SPRING1: variants seen among roughly 807,000 people sequenced by gnomAD.
SPRING1 encodes the protein SREBP regulating gene protein.
A neutral mutation model predicts 24.7 loss-of-function variants in SPRING1; 14 were observed. The observed-to-expected ratio is 0.57, with a 90% confidence interval of 0.37 to 0.88. SPRING1 has a LOEUF of 0.88. SPRING1 is among the 40% of genes least tolerant of loss of function. The probability of loss-of-function intolerance (pLI) is 0.00; values close to 1 mark genes in which losing one functional copy is unlikely to be tolerated. For synonymous variants in SPRING1, 93 were observed against 106.1 expected, an observed-to-expected ratio of 0.88 and a Z score of 0.76; for missense variants, 255 against 268.4, an observed-to-expected ratio of 0.95 and a Z score of 0.35.
At chr12:116,737,619 G>A (rs1440568048) in intron 1 of SPRING1, among the ~76,000 whole-genome samples, 171 bp downstream of exon 1, 1 of 148,012 alleles carries the variant, frequency 6.8e-6, no homozygotes, top group Non-Finnish European at 1.5e-5. Flanking sequence ...GTAGGAAGAA[G>A]GGAAGGAAGG....
At chr12:116,718,269 C>A (rs7302189) in intron 4 of SPRING1, among the ~76,000 whole-genome samples, 1,534 of 152,312 alleles carry the variant, frequency 0.01, 25 homozygotes, top group African/African-American at 0.034. Flanking sequence ...CACTCAGTTC[C>A]CGTAAGGAAC....
intron 4 of SPRING1, among the ~76,000 whole-genome samples, chr12:116,718,984 C>T (rs2137030917): frequency 6.6e-6 from 1 of 152,286 alleles, no homozygotes; most frequent in Non-Finnish European, 1.5e-5. Context: ...AGAAATCTGG[C>T]AAAGGGTACA....
rs1566064723 is a variant in SPRING1 at position 116,738,058 on chromosome 12, G to A, written c.-158C>T. ...TCTGCTCCCGGCAGCCTTGGGCGCA[G>A]CCCCACGTGACCCCGCCCTACGCCC... On this transcript the variant is annotated 5_prime_UTR_variant, in exon 1 of 5. Transcript: ENST00000261318. 5 of 1,082,228 alleles carry A rather than the reference G, an allele frequency of 4.6e-6. No individual in the cohort carries two copies. Among genetic ancestry groups the A allele is most frequent in the Admixed American group, 5.2e-5 (1 of 19,130 alleles). 67.0% of individuals were successfully genotyped at this position (1,082,228 alleles called of 1,614,324 possible).
chr12:116,737,849 C>G lies in SPRING1; in HGVS notation c.52G>C (p.Val18Leu). ...GACAGCCCGAAGACCAGGGCGAGCA[C>G]CCACCTCTTCCGCAGAAGCCGGCGC... Reference protein sequence around the residue: ...VWRRLLRKRWVLALVFGLSLV... With the variant: ...VWRRLLRKRWLLALVFGLSLV... The change falls in exon 1 of 5, where the codon GTG becomes CTG. Residue 18 changes from valine to leucine, a missense_variant. Transcript: ENST00000261318. 1.3e-6 allele frequency: 2 copies of G among 1,586,646 alleles called. No individual in the cohort carries two copies. Among genetic ancestry groups the G allele is most frequent in the Non-Finnish European group, 1.7e-6 (2 of 1,167,432 alleles).
chr12:116,725,835 A>G (rs1180125416), intron 1 of SPRING1, among the ~76,000 whole-genome samples: 4 of 152,190 alleles, frequency 2.6e-5, no homozygotes, highest in East Asian at 3.9e-4. Flanking sequence ...GCAGTGAGCC[A>G]AGATTGCGCC....
At chr12:116,735,130 G>GA (rs1871161164) in intron 1 of SPRING1, among the ~76,000 whole-genome samples, 1 of 151,954 alleles carries the variant, frequency 6.6e-6, no homozygotes, top group Non-Finnish European at 1.5e-5. Context: ...AGTGAGAGGA[G>GA]AAAAAAAGAA....
chr12:116,710,802 G>A lies in SPRING1; in HGVS notation c.*7008C>T, dbSNP rs1355382903. On this transcript the variant is annotated 3_prime_UTR_variant, in exon 5 of 5. Coordinates refer to ENST00000261318, the MANE Select transcript of SPRING1 (RefSeq NM_024738.4). Reference sequence around the variant, plus strand: ...GGGACCCAGCCGCTGGGATACGAGGGCTCTGGTCTTGCTTTAACAGCCAGG... The same window carrying A: ...GGGACCCAGCCGCTGGGATACGAGGACTCTGGTCTTGCTTTAACAGCCAGG... 1 of 152,140 alleles carries A rather than the reference G, an allele frequency of 6.6e-6. No individual in the cohort carries two copies. Among genetic ancestry groups the A allele is most frequent in the Non-Finnish European group, 1.5e-5 (1 of 68,032 alleles). 9.4% of individuals were successfully genotyped at this position (152,140 alleles called of 1,614,324 possible). A position where few individuals can be genotyped will look rare whatever the true frequency, so the allele number is the denominator to read the frequency against.
At chr12:116,731,585 A>G (rs1870977393) in intron 1 of SPRING1, among the ~76,000 whole-genome samples, 1 of 152,132 alleles carries the variant, frequency 6.6e-6, no homozygotes, top group Non-Finnish European at 1.5e-5. Flanking sequence ...ATCTACCAAA[A>G]AAATAAATTA....
At position 116,720,086 on chromosome 12, in the gene SPRING1, A is replaced by G. The variant is rs1253156582; in HGVS notation, c.420+210T>C. The G allele has an allele frequency of 8.1e-6, 6 of 743,288 alleles. No homozygotes were observed. Among genetic ancestry groups the G allele is most frequent in the Non-Finnish European group, 1.3e-5 (6 of 463,528 alleles). The allele number at this position is 743,288 out of a possible 1,614,324, so 46.0% of individuals were successfully genotyped here. ...TCATTAGATATGTGATTAGCAATAC[A>G]ATGATCCATTCTGCAAAAGAACCAT... On this transcript the variant is annotated intron_variant, in intron 3 of 4. Coordinates refer to ENST00000261318, the MANE Select transcript of SPRING1 (RefSeq NM_024738.4). The surrounding 1 kb of genome is among the most constrained non-coding windows in gnomAD (Gnocchi z 4.0).
chr12:116,721,465 A>G (rs1175124228), intron 2 of SPRING1, among the ~76,000 whole-genome samples: 1 of 152,238 alleles, frequency 6.6e-6, no homozygotes, highest in Non-Finnish European at 1.5e-5. Context: ...GTCTGTTCAA[A>G]AGCAGGAGGC....
chr12:116,737,560 G>A lies in SPRING1; in HGVS notation c.111+230C>T, dbSNP rs1484733300. On this transcript the variant is annotated intron_variant, in intron 1 of 4. Transcript: ENST00000261318. The stretch of plus-strand genomic sequence containing the variant: ...GAAGGTGAGGAAGGTAAGGAAGGAA[G>A]GGAGGCAGGGAGAGGGGAAGGAAGG... Among the ~76,000 whole-genome samples, 3 of 144,922 alleles carry A rather than the reference G, an allele frequency of 2.1e-5. No homozygotes were observed. The South Asian group carries it at 6.7e-4, about 33-fold the overall frequency.
At chr12:116,719,632 A>G (rs1316738709) in intron 4 of SPRING1, 131 bp downstream of exon 4, 2 of 686,108 alleles carry the variant, frequency 2.9e-6, no homozygotes, top group Non-Finnish European at 4.9e-6. Context: ...ATCACACCAA[A>G]CAAAGCGTGA....
In SPRING1 at chr12:116,737,833, A is replaced by C; in HGVS notation, c.68T>G (p.Phe23Cys). ...GAGGAAGTAGACGAGCGACAGCCCG[A>C]AGACCAGGGCGAGCACCCACCTCTT... is the stretch of plus-strand genomic sequence containing the variant. Reference protein sequence around the residue: ...LRKRWVLALVFGLSLVYFLSS... With the variant: ...LRKRWVLALVCGLSLVYFLSS... The change falls in exon 1 of 5, where the codon TTC becomes TGC. Residue 23 changes from phenylalanine (F) to cysteine (C), a missense_variant. By Grantham distance (205) the Phe-to-Cys change is radical. Transcript: ENST00000261318. 2 of 1,595,956 alleles carry C rather than the reference A, an allele frequency of 1.3e-6. No homozygotes were observed. The highest frequency in any genetic ancestry group is 8.5e-7 in the Non-Finnish European group (1 of 1,171,528).
At chr12:116,725,611 C>G (rs979028717) in intron 1 of SPRING1, among the ~76,000 whole-genome samples, 1 of 152,124 alleles carries the variant, frequency 6.6e-6, no homozygotes, top group East Asian at 1.9e-4. Flanking sequence ...TCTGGCCGGG[C>G]GCCATGGCTC....
At chr12:116,731,198 A>G (rs773496494) in intron 1 of SPRING1, among the ~76,000 whole-genome samples, 10 of 152,230 alleles carry the variant, frequency 6.6e-5, no homozygotes, top group Non-Finnish European at 1.2e-4. Context: ...TAAAAAAACT[A>G]CAAGTATGGC....
rs1870399686 is a variant in SPRING1, at chr12:116,720,909, T to A, written c.269-462A>T. 6.6e-6 allele frequency among the ~76,000 whole-genome samples: 1 copy of A among 152,244 alleles called. No individual in the cohort carries two copies. The highest frequency in any genetic ancestry group is 1.5e-5 in the Non-Finnish European group (1 of 68,042). Reference sequence around the variant, plus strand: ...ACAAACAAACCACTCTTTACAAATATCTTTCAGATGCTCGCTGCATACTGA... The same window carrying A: ...ACAAACAAACCACTCTTTACAAATAACTTTCAGATGCTCGCTGCATACTGA... On this transcript the variant is annotated intron_variant, in intron 2 of 4. Transcript: ENST00000261318. This position sits in a 1 kb window ranked among gnomAD's most constrained non-coding sequence, Gnocchi z 4.0.
intron 1 of SPRING1, among the ~76,000 whole-genome samples, chr12:116,735,387 C>T (rs1441237873): frequency 6.6e-6 from 1 of 152,066 alleles, no homozygotes; most frequent in South Asian, 2.1e-4. Context: ...TGGTGATGGT[C>T]GCACAGCGTT....
chr12:116,722,810 G>A (rs868716563), intron 2 of SPRING1, among the ~76,000 whole-genome samples: 7 of 152,194 alleles, frequency 4.6e-5, no homozygotes, highest in Non-Finnish European at 5.9e-5. Context: ...GGACTGATGC[G>A]TGACACAGTG....
chr12:116,738,027 G>C lies in SPRING1; in HGVS notation c.-127C>G. ...GCAGGCGCCGGCCCCGCCGCCCGCA[G>C]CCCAGTCTGCTCCCGGCAGCCTTGG... is the stretch of plus-strand genomic sequence containing the variant. On this transcript the variant is annotated 5_prime_UTR_variant, in exon 1 of 5. Coordinates refer to ENST00000261318, the MANE Select transcript of SPRING1 (RefSeq NM_024738.4). 9.1e-7 allele frequency: 1 copy of C among 1,102,864 alleles called. No individual in the cohort carries two copies. The highest frequency in any genetic ancestry group is 1.1e-6 in the Non-Finnish European group (1 of 905,472). 68.3% of individuals were successfully genotyped at this position (1,102,864 alleles called of 1,614,324 possible). A position where few individuals can be genotyped will look rare whatever the true frequency, so the allele number is the denominator to read the frequency against.
Sources: allele counts gnomAD v4.1 joint callset (sites outside exome capture counted in the v4.1 genomes callset), GRCh38; gene constraint gnomAD v4.1.1; non-coding constraint Gnocchi (gnomAD v3.1); transcripts MANE v1.5; gene names NCBI Gene and HGNC (gene_info 2026-07-23, HGNC 2026-07-21).